ARL14: variants seen among roughly 807,000 people sequenced by gnomAD.
ARL14 encodes ARF like GTPase 14.
Under a neutral mutation model 1.1 loss-of-function variants are expected in ARL14, and 3 were observed. The observed-to-expected ratio is 2.82, with a 90% CI of 1.28 to 7.28. The LOEUF (loss-of-function observed/expected upper bound fraction) is 7.28, where lower values mean the gene tolerates loss of function less well. Ranked by LOEUF, ARL14 falls within the 30% of genes most tolerant of loss-of-function variation. The pLI is 0.01. For missense variants in ARL14, 264 were observed against 223.8 expected, an observed-to-expected ratio of 1.18 and a Z score of -1.15; for synonymous variants, 99 against 84.6, an observed-to-expected ratio of 1.17 and a Z score of -0.93.
rs199795781 is a variant in ARL14 at position 160,677,410 on chromosome 3, G to C, written c.64G>C (p.Asp22His). The change falls in exon 1 of 1, where the codon GAC becomes CAC. Residue 22 changes from aspartate to histidine, a missense_variant. Physicochemically the swap from Asp to His is moderately conservative, Grantham distance 81. Coordinates refer to ENST00000320767, the MANE Select transcript of ARL14 (RefSeq NM_025047.3). ...KQAQVLLLGLDSAGKSTLLYK... is the reference protein window; with the variant it reads ...KQAQVLLLGLHSAGKSTLLYK... ...AGCCCAAGTTCTTCTTTTGGGACTT[G>C]ACTCAGCTGGGAAGTCTACTCTCCT... is the stretch of plus-strand genomic sequence containing the variant. The C allele has an allele frequency of 1.9e-6, 3 of 1,612,428 alleles. No homozygotes were observed. The highest frequency in any genetic ancestry group is 8.5e-7 in the Non-Finnish European group (1 of 1,179,212).
Position 160,677,757 on chromosome 3 carries a change from C to T in ARL14, c.411C>T (p.Thr137=), listed in dbSNP as rs144183160. ...GAGCTCTGACTGCTGAGGACATCACCAGAATGTTCAAAGTGAAGAAGCTTT... is the reference window on the plus strand; with the variant it reads ...GAGCTCTGACTGCTGAGGACATCACTAGAATGTTCAAAGTGAAGAAGCTTT... The part of the protein sequence containing the change: ...MPGALTAEDI[T]RMFKVKKLCS... Residue 137 remains threonine, a synonymous_variant, in exon 1 of 1, where the codon ACC becomes ACT. Transcript: ENST00000320767. The T allele has an allele frequency of 2.1e-4, 333 of 1,614,078 alleles. No homozygotes were observed. In the African/African-American group the frequency reaches 3.9e-3, roughly 19 times the overall value.
chr3:160,677,344 G>T lies in ARL14; in HGVS notation c.-3G>T. 1.9e-6 allele frequency: 3 copies of T among 1,556,606 alleles called. No homozygotes were observed. Among genetic ancestry groups the T allele is most frequent in the Non-Finnish European group, 2.6e-6 (3 of 1,154,420 alleles). On this transcript the variant is annotated 5_prime_UTR_variant, in exon 1 of 1. Coordinates refer to ENST00000320767, the MANE Select transcript of ARL14 (RefSeq NM_025047.3). ...TTAGAGACAGAGAGAGAAAAAGGCT[G>T]AAATGGGTTCGCTGGGTTCTAAAAA...
At position 160,677,954 on chromosome 3, in the gene ARL14, G is replaced by T; in HGVS notation, c.*29G>T. 6.5e-7 allele frequency: 1 copy of T among 1,547,870 alleles called. No homozygotes were observed. The highest frequency in any genetic ancestry group is 8.7e-7 in the Non-Finnish European group (1 of 1,143,642). ...TGCGAAAAATCCAAGTCTCTACAGA[G>T]ACACTGATGAAGTTGAAAGGGTAAT... On this transcript the variant is annotated 3_prime_UTR_variant, in exon 1 of 1. Transcript: ENST00000320767.
chr3:160,678,048 T>C lies in ARL14; in HGVS notation c.*123T>C. 1 of 852,598 alleles carries C rather than the reference T, an allele frequency of 1.2e-6. No homozygotes were observed. The highest frequency in any genetic ancestry group is 1.8e-6 in the Non-Finnish European group (1 of 555,964). The allele number at this position is 852,598 out of a possible 1,614,324, so 52.8% of individuals were successfully genotyped here. On this transcript the variant is annotated 3_prime_UTR_variant, in exon 1 of 1. Transcript: ENST00000320767. The stretch of plus-strand genomic sequence containing the variant: ...AAACTTTTCCTGAGATGTTATTTCA[T>C]CTACATTTAGTTAAACAACTTAGAA...
chr3:160,677,343 T>C lies in ARL14; in HGVS notation c.-4T>C. 1 of 1,552,082 alleles carries C rather than the reference T, an allele frequency of 6.4e-7. No individual in the cohort carries two copies. Among genetic ancestry groups the C allele is most frequent in the Non-Finnish European group, 8.7e-7 (1 of 1,152,132 alleles). On this transcript the variant is annotated 5_prime_UTR_variant, in exon 1 of 1. Coordinates refer to ENST00000320767, the MANE Select transcript of ARL14 (RefSeq NM_025047.3). Reference sequence around the variant, plus strand: ...TTTAGAGACAGAGAGAGAAAAAGGCTGAAATGGGTTCGCTGGGTTCTAAAA... The same window carrying C: ...TTTAGAGACAGAGAGAGAAAAAGGCCGAAATGGGTTCGCTGGGTTCTAAAA...
In ARL14 at chr3:160,677,982, T is replaced by C. The variant is rs1713292736; in HGVS notation, c.*57T>C. 6.9e-7 allele frequency: 1 copy of C among 1,440,230 alleles called. No homozygotes were observed. The highest frequency in any genetic ancestry group is 9.4e-7 in the Non-Finnish European group (1 of 1,067,990). The allele number at this position is 1,440,230 out of a possible 1,614,324, so 89.2% of individuals were successfully genotyped here. A position where few individuals can be genotyped will look rare whatever the true frequency, so the allele number is the denominator to read the frequency against. The stretch of plus-strand genomic sequence containing the variant: ...ACTGATGAAGTTGAAAGGGTAATTG[T>C]TTTTCCATGCCAAATGAGGAAATCA... On this transcript the variant is annotated 3_prime_UTR_variant, in exon 1 of 1. Coordinates refer to ENST00000320767, the MANE Select transcript of ARL14 (RefSeq NM_025047.3).
At position 160,677,310 on chromosome 3, in the gene ARL14, A is replaced by G; in HGVS notation, c.-37A>G. On this transcript the variant is annotated 5_prime_UTR_variant, in exon 1 of 1. Transcript: ENST00000320767. ...CGAAGAAAGAAAGAAAGAAAAAAAA[A>G]AAAGGTATTTAGAGACAGAGAGAGA... 6.7e-7 allele frequency: 1 copy of G among 1,497,016 alleles called. No individual in the cohort carries two copies. The highest frequency in any genetic ancestry group is 8.9e-7 in the Non-Finnish European group (1 of 1,119,274). The allele number at this position is 1,497,016 out of a possible 1,614,324, so 92.7% of individuals were successfully genotyped here. A position where few individuals can be genotyped will look rare whatever the true frequency, so the allele number is the denominator to read the frequency against.
Position 160,677,240 on chromosome 3 carries a change from C to T in ARL14, c.-107C>T. On this transcript the variant is annotated 5_prime_UTR_variant, in exon 1 of 1. Coordinates refer to ENST00000320767, the MANE Select transcript of ARL14 (RefSeq NM_025047.3). Reference sequence around the variant, plus strand: ...AATTTGCTTTCTTCTTTCTTCCTAACATTTTCATGTGAGATCCAGAAAGGA... The same window carrying T: ...AATTTGCTTTCTTCTTTCTTCCTAATATTTTCATGTGAGATCCAGAAAGGA... The T allele has an allele frequency of 2.7e-6, 3 of 1,103,926 alleles. No individual in the cohort carries two copies. The highest frequency in any genetic ancestry group is 2.0e-5 in the South Asian group (1 of 50,168). The allele number at this position is 1,103,926 out of a possible 1,614,324, so 68.4% of individuals were successfully genotyped here.
Position 160,677,839 on chromosome 3 carries a change from GC to G in ARL14, c.496del (p.Gln166ArgfsTer6), listed in dbSNP as rs1395285217. ...PCCALTGEGLAQGFRKLTGFV... is the reference protein window; with the variant it reads ...PCCALTGEGLXQGFRKLTGFV... ...CTGTGCCCTCACAGGGGAGGGGCTG[GC>G]CCAGGGGTTCAGGAAATTAACTGGA... On this transcript the variant is annotated frameshift_variant, in exon 1 of 1. Transcript: ENST00000320767. LOFTEE classifies it high-confidence loss of function. 6.2e-7 allele frequency: 1 copy of G among 1,613,916 alleles called. No homozygotes were observed. The highest frequency in any genetic ancestry group is 8.5e-7 in the Non-Finnish European group (1 of 1,180,022).
chr3:160,677,468 C>T lies in ARL14; in HGVS notation c.122C>T (p.Thr41Ile), dbSNP rs761826350. Residue 41 changes from threonine to isoleucine, a missense_variant, in exon 1 of 1, where the codon ACC becomes ATC. Physicochemically the swap from Thr to Ile is moderately conservative, Grantham distance 89. Transcript: ENST00000320767. ...YKLKLAKDIT[T>I]IPTIGFNVEM... is the part of the protein sequence containing the mutation. ...TTAAAGCTTGCTAAGGATATTACCA[C>T]CATCCCTACAATAGGTTTCAATGTG... The T allele has an allele frequency of 7.4e-6, 12 of 1,613,992 alleles. No homozygotes were observed. Among genetic ancestry groups the T allele is most frequent in the Middle Eastern group, 1.6e-4 (1 of 6,084 alleles).
In ARL14 at chr3:160,677,829, G is replaced by A. The variant is rs372372977; in HGVS notation, c.483G>A (p.Gly161=). ...WYVQPCCALT[G]EGLAQGFRKL... is the part of the protein sequence containing the mutation. ...TGCAACCCTGCTGTGCCCTCACAGG[G>A]GAGGGGCTGGCCCAGGGGTTCAGGA... Residue 161 remains glycine (G), a synonymous_variant, in exon 1 of 1, where the codon GGG becomes GGA. Coordinates refer to ENST00000320767, the MANE Select transcript of ARL14 (RefSeq NM_025047.3). 4.0e-4 allele frequency: 645 copies of A among 1,614,070 alleles called. 8 individuals are homozygous for A. The South Asian group carries it at 6.7e-3, about 17-fold the overall frequency.
Position 160,677,505 on chromosome 3 carries a change from G to T in ARL14, c.159G>T (p.Glu53Asp). The change falls in exon 1 of 1, where the codon GAG becomes GAT. Residue 53 changes from glutamate to aspartate, a missense_variant. Glu to Asp is a conservative substitution (Grantham distance 45, BLOSUM62 2). Transcript: ENST00000320767. ...TAGGTTTCAATGTGGAAATGATCGA[G>T]TTGGAAAGGAATCTTTCACTCACAG... is the stretch of plus-strand genomic sequence containing the variant. ...PTIGFNVEMI[E>D]LERNLSLTVW... The T allele has an allele frequency of 1.2e-6, 2 of 1,614,146 alleles. No individual in the cohort carries two copies. Among genetic ancestry groups the T allele is most frequent in the Middle Eastern group, 1.6e-4 (1 of 6,062 alleles).
rs868841725 is a variant in ARL14, at chr3:160,677,749, G to A, written c.403G>A (p.Asp135Asn). The A allele has an allele frequency of 6.2e-7, 1 of 1,614,106 alleles. No individual in the cohort carries two copies. The highest frequency in any genetic ancestry group is 8.5e-7 in the Non-Finnish European group (1 of 1,180,020). The change falls in exon 1 of 1, where the codon GAC (aspartate) becomes AAC (asparagine). Residue 135 changes from aspartate to asparagine, a missense_variant. Coordinates refer to ENST00000320767, the MANE Select transcript of ARL14 (RefSeq NM_025047.3). ...QDMPGALTAE[D>N]ITRMFKVKKL... The stretch of plus-strand genomic sequence containing the variant: ...CATGCCTGGAGCTCTGACTGCTGAG[G>A]ACATCACCAGAATGTTCAAAGTGAA...
Position 160,677,356 on chromosome 3 carries a change from C to A in ARL14, c.10C>A (p.Leu4Met), listed in dbSNP as rs548220537. 3.2e-5 allele frequency: 51 copies of A among 1,578,996 alleles called. 2 individuals are homozygous for A. In the South Asian group the frequency reaches 5.8e-4, roughly 18 times the overall value. Residue 4 changes from leucine (L) to methionine (M), a missense_variant, in exon 1 of 1, where the codon CTG (leucine) becomes ATG (methionine). Leu to Met is a conservative substitution (Grantham distance 15, BLOSUM62 2). Transcript: ENST00000320767. MGS[L>M]GSKNPQTKQA... ...AGAGAAAAAGGCTGAAATGGGTTCG[C>A]TGGGTTCTAAAAATCCGCAAACCAA...
rs765380940 is a variant in ARL14 at position 160,677,428 on chromosome 3, A to G, written c.82A>G (p.Thr28Ala). The G allele has an allele frequency of 1.9e-6, 3 of 1,613,946 alleles. No homozygotes were observed. The Admixed American group carries it at 5.0e-5, about 27-fold the overall frequency. The change falls in exon 1 of 1, where the codon ACT becomes GCT. Residue 28 changes from threonine to alanine, a missense_variant. Transcript: ENST00000320767. ...LLGLDSAGKS[T>A]LLYKLKLAKD... ...GGGACTTGACTCAGCTGGGAAGTCTACTCTCCTTTATAAATTAAAGCTTGC... is the reference window on the plus strand; with the variant it reads ...GGGACTTGACTCAGCTGGGAAGTCTGCTCTCCTTTATAAATTAAAGCTTGC...
chr3:160,677,170 A>C lies in ARL14; in HGVS notation c.-177A>C, dbSNP rs962518983. 1 of 566,418 alleles carries C rather than the reference A, an allele frequency of 1.8e-6. No individual in the cohort carries two copies. Among genetic ancestry groups the C allele is most frequent in the South Asian group, 4.0e-5 (1 of 24,930 alleles). 35.1% of individuals were successfully genotyped at this position (566,418 alleles called of 1,614,324 possible). On this transcript the variant is annotated 5_prime_UTR_variant, in exon 1 of 1. Coordinates refer to ENST00000320767, the MANE Select transcript of ARL14 (RefSeq NM_025047.3). ...GCCCATAATCAAGTTGATAAGCTAC[A>C]ACATAAACACATCTAGGTTCTTGTT...
Position 160,677,878 on chromosome 3 carries a change from C to G in ARL14, c.532C>G (p.His178Asp). The change falls in exon 1 of 1, where the codon CAC becomes GAC. Residue 178 changes from histidine to aspartate, a missense_variant. Coordinates refer to ENST00000320767, the MANE Select transcript of ARL14 (RefSeq NM_025047.3). ...FRKLTGFVKS[H>D]MKSRGDTLAF... is the part of the protein sequence containing the mutation. ...GAAATTAACTGGATTTGTGAAGAGC[C>G]ACATGAAATCAAGAGGAGACACTTT... 6.2e-7 allele frequency: 1 copy of G among 1,613,586 alleles called. No individual in the cohort carries two copies. Among genetic ancestry groups the G allele is most frequent in the East Asian group, 2.2e-5 (1 of 44,858 alleles).
chr3:160,677,275 T>C lies in ARL14; in HGVS notation c.-72T>C. ...TGAGATCCAGAAAGGACACATTGTC[T>C]CTGGCCATTCGAAGAAAGAAAGAAA... is the stretch of plus-strand genomic sequence containing the variant. On this transcript the variant is annotated 5_prime_UTR_variant, in exon 1 of 1. Transcript: ENST00000320767. 1 of 1,389,404 alleles carries C rather than the reference T, an allele frequency of 7.2e-7. No homozygotes were observed. Among genetic ancestry groups the C allele is most frequent in the Admixed American group, 2.4e-5 (1 of 42,194 alleles). The allele number at this position is 1,389,404 out of a possible 1,614,324, so 86.1% of individuals were successfully genotyped here.
Position 160,677,992 on chromosome 3 carries a change from C to A in ARL14, c.*67C>A. The A allele has an allele frequency of 7.2e-7, 1 of 1,382,388 alleles. No homozygotes were observed. Among genetic ancestry groups the A allele is most frequent in the Middle Eastern group, 1.9e-4 (1 of 5,388 alleles). The allele number at this position is 1,382,388 out of a possible 1,614,324, so 85.6% of individuals were successfully genotyped here. ...TTGAAAGGGTAATTGTTTTTCCATG[C>A]CAAATGAGGAAATCAAATTAATGAG... On this transcript the variant is annotated 3_prime_UTR_variant, in exon 1 of 1. Coordinates refer to ENST00000320767, the MANE Select transcript of ARL14 (RefSeq NM_025047.3).
Sources: allele counts gnomAD v4.1 joint callset, GRCh38; gene constraint gnomAD v4.1.1; transcripts MANE v1.5; gene names NCBI Gene and HGNC (gene_info 2026-07-23, HGNC 2026-07-21).